ONECUT2: variants seen among roughly 807,000 people sequenced by gnomAD.
ONECUT2 encodes one cut homeobox 2.
ONECUT2 carries 10 observed loss-of-function variants against 27.9 expected under a neutral mutation model. The observed-to-expected ratio is 0.36, with a 90% CI of 0.22 to 0.61. The LOEUF (loss-of-function observed/expected upper bound fraction) is 0.61. ONECUT2 is among the 20% of genes least tolerant of loss of function. The pLI is 0.73. For synonymous variants in ONECUT2, 334 were observed against 315.1 expected, an observed-to-expected ratio of 1.06 and a Z score of -0.64; for missense variants, 686 against 721.0, an observed-to-expected ratio of 0.95 and a Z score of 0.56.
chr18:57,458,774 A>G (rs141130166), intron 1 of ONECUT2, among the ~76,000 whole-genome samples: 1 of 152,142 alleles, frequency 6.6e-6, no homozygotes, highest in African/African-American at 2.4e-5. Context: ...ATGGAGATGC[A>G]CATACTGTAA....
rs1474632081 is a variant in ONECUT2, at chr18:57,481,497, A to G, written c.*4774A>G. The G allele has an allele frequency of 6.6e-6, 1 of 152,266 alleles. No individual in the cohort carries two copies. Among genetic ancestry groups the G allele is most frequent in the Non-Finnish European group, 1.5e-5 (1 of 68,038 alleles). 9.4% of individuals were successfully genotyped at this position (152,266 alleles called of 1,614,324 possible). On this transcript the variant is annotated 3_prime_UTR_variant, in exon 2 of 2. Transcript: ENST00000491143. ...AAAACCAAAAATAAATACCTTTTAG[A>G]TAATCAGTTATTTTCTTTGTCTATA...
chr18:57,464,535 G>T (rs1429105025), intron 1 of ONECUT2, among the ~76,000 whole-genome samples: 1 of 151,940 alleles, frequency 6.6e-6, no homozygotes, highest in African/African-American at 2.4e-5. Context: ...ATCTGAAATT[G>T]TCTTTGACTG....
rs779602798 is a variant in ONECUT2, at chr18:57,436,991, C to T, written c.1228+47C>T. On this transcript the variant is annotated intron_variant, in intron 1 of 1. Transcript: ENST00000491143. The surrounding 1 kb of genome is among the most constrained non-coding windows in gnomAD (Gnocchi z 5.9). ...GGCCAGGCTGCTGGGAAGAGGGCTC[C>T]GGGTCCGGTGCTTGTGGCCCAAGTC... is the stretch of plus-strand genomic sequence containing the variant. The T allele has an allele frequency of 2.9e-5, 44 of 1,520,228 alleles. No homozygotes were observed. In the Admixed American group the frequency reaches 7.9e-4, roughly 27 times the overall value. The allele number at this position is 1,520,228 out of a possible 1,614,324, so 94.2% of individuals were successfully genotyped here.
At chr18:57,464,121 G>C (rs1459524121) in intron 1 of ONECUT2, among the ~76,000 whole-genome samples, 1 of 152,036 alleles carries the variant, frequency 6.6e-6, no homozygotes, top group Non-Finnish European at 1.5e-5. Context: ...TATTTACTAT[G>C]TAACTTTAAG....
At chr18:57,464,900 G>A (rs977388343) in intron 1 of ONECUT2, among the ~76,000 whole-genome samples, 14 of 152,236 alleles carry the variant, frequency 9.2e-5, no homozygotes, top group Admixed American at 4.6e-4. Flanking sequence ...GCTAGAGTAT[G>A]TCTTCAAGTT....
rs2050133959 is a variant in ONECUT2, at chr18:57,435,637, G to T, written c.-80G>T. ...TCCCGCGCCCGCCCCCACTCCCGCAGCCGAGCCCCGCCACGCGCGCCTTGC... is the reference window on the plus strand; with the variant it reads ...TCCCGCGCCCGCCCCCACTCCCGCATCCGAGCCCCGCCACGCGCGCCTTGC... On this transcript the variant is annotated 5_prime_UTR_variant, in exon 1 of 2. Transcript: ENST00000491143. 5 of 972,494 alleles carry T rather than the reference G, an allele frequency of 5.1e-6. No individual in the cohort carries two copies. The highest frequency in any genetic ancestry group is 1.3e-4 in the Admixed American group (2 of 15,562). The allele number at this position is 972,494 out of a possible 1,614,324, so 60.2% of individuals were successfully genotyped here. A position where few individuals can be genotyped will look rare whatever the true frequency, so the allele number is the denominator to read the frequency against.
intron 1 of ONECUT2, among the ~76,000 whole-genome samples, chr18:57,448,788 A>G (rs2050214859): frequency 6.6e-6 from 1 of 152,244 alleles, no homozygotes; most frequent in Non-Finnish European, 1.5e-5. Flanking sequence ...TTTTGAAAAG[A>G]TATTTTACAG....
At chr18:57,469,197 C>G (rs1395357586) in intron 1 of ONECUT2, among the ~76,000 whole-genome samples, 1 of 152,212 alleles carries the variant, frequency 6.6e-6, no homozygotes, top group Non-Finnish European at 1.5e-5. Flanking sequence ...AAGGGTCACG[C>G]TCCCCACTTT....
Position 57,480,652 on chromosome 18 carries a change from A to G in ONECUT2, c.*3929A>G, listed in dbSNP as rs189263291. 1 of 152,298 alleles carries G rather than the reference A, an allele frequency of 6.6e-6. No homozygotes were observed. Among genetic ancestry groups the G allele is most frequent in the East Asian group, 1.9e-4 (1 of 5,184 alleles). The allele number at this position is 152,298 out of a possible 1,614,324, so 9.4% of individuals were successfully genotyped here. ...CTCATTCCAGATAATGTCATACCAG[A>G]GAAAAGTGCTTGCTTTTAGAAAATT... On this transcript the variant is annotated 3_prime_UTR_variant, in exon 2 of 2. Transcript: ENST00000491143.
intron 1 of ONECUT2, among the ~76,000 whole-genome samples, chr18:57,476,132 G>A (rs1253358399): frequency 6.6e-6 from 1 of 152,180 alleles, no homozygotes; most frequent in Non-Finnish European, 1.5e-5. Flanking sequence ...TGATTTCAGA[G>A]ATAAAGAATT....
chr18:57,440,196 C>T (rs1044705411), intron 1 of ONECUT2, among the ~76,000 whole-genome samples: 1 of 152,236 alleles, frequency 6.6e-6, no homozygotes, highest in Non-Finnish European at 1.5e-5. Context: ...CAAGACCAGC[C>T]CTTGCAGGGC....
chr18:57,463,971 G>C (rs1239355331), intron 1 of ONECUT2, among the ~76,000 whole-genome samples: 1 of 148,224 alleles, frequency 6.7e-6, no homozygotes, highest in Admixed American at 6.8e-5. Flanking sequence ...AAAATCTTGA[G>C]TTTTCTAGGT....
At chr18:57,438,459 C>T (rs1170820220) in intron 1 of ONECUT2, among the ~76,000 whole-genome samples, 1 of 152,228 alleles carries the variant, frequency 6.6e-6, no homozygotes, top group Non-Finnish European at 1.5e-5. Flanking sequence ...GGTTTCCACC[C>T]CCGATCCCCC....
chr18:57,446,600 T>G (rs1391708652), intron 1 of ONECUT2, among the ~76,000 whole-genome samples: 1 of 152,148 alleles, frequency 6.6e-6, no homozygotes, highest in African/African-American at 2.4e-5. Context: ...GCCCCTTCCT[T>G]CACTTTGTTC....
chr18:57,461,852 G>A (rs1037238569), intron 1 of ONECUT2, among the ~76,000 whole-genome samples: 1 of 152,262 alleles, frequency 6.6e-6, no homozygotes, highest in Non-Finnish European at 1.5e-5. Flanking sequence ...GAAGGTACTG[G>A]CAGTTAGAAG....
intron 1 of ONECUT2, among the ~76,000 whole-genome samples, chr18:57,450,354 A>G (rs1164414959): frequency 1.3e-5 from 2 of 152,040 alleles, no homozygotes; most frequent in African/African-American, 2.4e-5. Context: ...GTGTATTTTT[A>G]GTAGAGATGG....
At chr18:57,473,749 C>G (rs1410222976) in intron 1 of ONECUT2, among the ~76,000 whole-genome samples, 1 of 152,166 alleles carries the variant, frequency 6.6e-6, no homozygotes, top group East Asian at 1.9e-4. Context: ...TCCTATGCAC[C>G]TTAAAGTTTA....
intron 1 of ONECUT2, among the ~76,000 whole-genome samples, chr18:57,475,187 G>C (rs1246948738): frequency 1.3e-5 from 2 of 151,500 alleles, no homozygotes; most frequent in Non-Finnish European, 2.9e-5. Context: ...ATCCCGAGTA[G>C]CTGGGATTAC....
At position 57,488,512 on chromosome 18, in the gene ONECUT2, G is replaced by A. The variant is rs755771050; in HGVS notation, c.*11789G>A. On this transcript the variant is annotated 3_prime_UTR_variant, in exon 2 of 2. Coordinates refer to ENST00000491143, the MANE Select transcript of ONECUT2 (RefSeq NM_004852.3). ...GCATGGGTCTGGCTGGTTACACTTT[G>A]CCAAGAAGACTTGTCTTATGAAACC... 6.6e-6 allele frequency: 1 copy of A among 152,518 alleles called. No individual in the cohort carries two copies. Among genetic ancestry groups the A allele is most frequent in the East Asian group, 1.9e-4 (1 of 5,202 alleles). The allele number at this position is 152,518 out of a possible 1,614,324, so 9.4% of individuals were successfully genotyped here. A position where few individuals can be genotyped will look rare whatever the true frequency, so the allele number is the denominator to read the frequency against.
Sources: allele counts gnomAD v4.1 joint callset (sites outside exome capture counted in the v4.1 genomes callset), GRCh38; gene constraint gnomAD v4.1.1; non-coding constraint Gnocchi (gnomAD v3.1); transcripts MANE v1.5; gene names NCBI Gene and HGNC (gene_info 2026-07-23, HGNC 2026-07-21).